Variants in IGSF9B observed in about 807,000 individuals in gnomAD.
IGSF9B encodes protein turtle homolog B.
In IGSF9B, 48 loss-of-function variants were observed where a neutral mutation model predicts 143.7. The ratio of observed to expected loss-of-function variants is 0.33; its 90% CI spans 0.26 to 0.42. The LOEUF (loss-of-function observed/expected upper bound fraction) is 0.42, where lower values mean the gene tolerates loss of function less well. Ranked by LOEUF, IGSF9B falls within the 20% of genes least tolerant of loss-of-function variation. IGSF9B has a pLI of 1.00. For synonymous variants in IGSF9B, 903 were observed against 833.1 expected, an observed-to-expected ratio of 1.08 and a Z score of -1.44; for missense variants, 1,706 against 1,980.0, an observed-to-expected ratio of 0.86 and a Z score of 2.63.
intron 18 of IGSF9B, chr11:133,919,115 A>ACCTTGGACT: frequency 3.0e-5 from 1 of 33,890 alleles, no homozygotes; most frequent in South Asian, 1.8e-4. Flanking sequence ...CCTGCGAGGT[A>ACCTTGGACT]TACGGGGGGG....
chr11:133,952,142 T>C (rs1399866444), intron 1 of IGSF9B: 3 of 435,650 alleles, frequency 6.9e-6, no homozygotes, highest in South Asian at 3.2e-5. Context: ...CCCCATCTCC[T>C]GCTTATTCAC....
In IGSF9B at chr11:133,901,968, T is replaced by C. The variant is rs1939134957; in HGVS notation, c.*7101A>G. Among the ~76,000 whole-genome samples the C allele has an allele frequency of 9.6e-6, 1 of 104,456 alleles. No individual in the cohort carries two copies. Among genetic ancestry groups the C allele is most frequent in the African/African-American group, 4.4e-5 (1 of 22,490 alleles). 68.5% of individuals were successfully genotyped at this position (104,456 alleles called of 152,430 possible). On this transcript the variant is annotated 3_prime_UTR_variant, in exon 20 of 20. Transcript: ENST00000533871. ...ACACATCACACACATGCACACCGCATCACACACATGCACACCAGACACATC... is the reference window on the plus strand; with the variant it reads ...ACACATCACACACATGCACACCGCACCACACACATGCACACCAGACACATC...
intron 1 of IGSF9B, among the ~76,000 whole-genome samples, chr11:133,949,878 C>CACCCATGCGAT (rs200016618): frequency 3.9e-5 from 6 of 152,184 alleles, no homozygotes; most frequent in African/African-American, 1.4e-4. Context: ...CAGGGAAAGG[C>CACCCATGCGAT]ACCATAGGTC....
intron 7 of IGSF9B, among the ~76,000 whole-genome samples, chr11:133,934,635 C>T (rs1290182661): frequency 6.6e-6 from 1 of 152,206 alleles, no homozygotes; most frequent in East Asian, 1.9e-4. Flanking sequence ...CGATGGCGCT[C>T]AGCAGGCGCA....
At chr11:133,952,531 G>A (rs1198652502) in intron 1 of IGSF9B, among the ~76,000 whole-genome samples, 2 of 152,154 alleles carry the variant, frequency 1.3e-5, no homozygotes, top group African/African-American at 2.4e-5. Flanking sequence ...GCCACTCCAC[G>A]CACGTGCACA....
chr11:133,943,364 T>C lies in IGSF9B; in HGVS notation c.409+856A>G, dbSNP rs543240133. Among the ~76,000 whole-genome samples the C allele has an allele frequency of 5.3e-5, 8 of 152,298 alleles. No homozygotes were observed. In the East Asian group the frequency reaches 1.5e-3, roughly 29 times the overall value. On this transcript the variant is annotated intron_variant, in intron 3 of 19. Transcript: ENST00000533871. ...TCCCACGACGGGGACCACTTCTCCT[T>C]CATCTTTTCTCCATGGTTCCAGCCT...
At chr11:133,943,200 G>A (rs1168566042) in intron 3 of IGSF9B, among the ~76,000 whole-genome samples, 3 of 152,214 alleles carry the variant, frequency 2.0e-5, no homozygotes, top group Non-Finnish European at 4.4e-5. Flanking sequence ...CCACGCTGTT[G>A]AAGCCTCAAT....
intron 11 of IGSF9B, 25 bp downstream of exon 11, chr11:133,930,959 C>T: frequency 1.9e-6 from 3 of 1,590,750 alleles, no homozygotes; most frequent in East Asian, 2.3e-5. Context: ...CCCCGCCGCC[C>T]GGCCCAGCCT....
At chr11:133,918,524 G>A (rs577300142) in intron 18 of IGSF9B, among the ~76,000 whole-genome samples, 389 of 152,278 alleles carry the variant, frequency 2.6e-3, no homozygotes, top group Non-Finnish European at 4.2e-3. Context: ...GCACCTCCGC[G>A]CACAGGCGGC....
At chr11:133,912,032 C>G in intron 18 of IGSF9B, 25 bp from the exon 19 acceptor site, 1 of 1,503,048 alleles carries the variant, frequency 6.7e-7, no homozygotes, top group Non-Finnish European at 8.8e-7. Flanking sequence ...CAGAGAGCCA[C>G]AATTCAGCTC....
In IGSF9B at chr11:133,931,318, A is replaced by G; in HGVS notation, c.1368+135T>C. The G allele has an allele frequency of 1.2e-6, 1 of 853,628 alleles. No homozygotes were observed. Among genetic ancestry groups the G allele is most frequent in the Non-Finnish European group, 1.8e-6 (1 of 544,432 alleles). 52.9% of individuals were successfully genotyped at this position (853,628 alleles called of 1,614,324 possible). On this transcript the variant is annotated intron_variant, in intron 10 of 19. Transcript: ENST00000533871. The surrounding 1 kb of genome is among the most constrained non-coding windows in gnomAD (Gnocchi z 7.7). ...TCTAGCCTGGTCAGGGCAGGTCCAG[A>G]ATAGAACTGCTCGCTGGGCCCTCAC...
Position 133,931,932 on chromosome 11 carries a change from C to T in IGSF9B, c.1111-137G>A. 1 of 1,488,474 alleles carries T rather than the reference C, an allele frequency of 6.7e-7. No homozygotes were observed. Among genetic ancestry groups the T allele is most frequent in the Middle Eastern group, 1.8e-4 (1 of 5,684 alleles). The allele number at this position is 1,488,474 out of a possible 1,614,324, so 92.2% of individuals were successfully genotyped here. ...CCCGGGGCGGGCGGCACCCGCAGAC[C>T]CCTACAGAAGCAGCTCTCTGTTTGC... On this transcript the variant is annotated intron_variant, in intron 8 of 19. Transcript: ENST00000533871. The surrounding 1 kb of genome is among the most constrained non-coding windows in gnomAD (Gnocchi z 7.7).
In IGSF9B at chr11:133,909,100, T is replaced by C; in HGVS notation, c.4283A>G (p.His1428Arg). 6.5e-7 allele frequency: 1 copy of C among 1,535,908 alleles called. No homozygotes were observed. Residue 1428 changes from histidine (H) to arginine (R), a missense_variant, in exon 20 of 20, where the codon CAC (histidine) becomes CGC (arginine). Transcript: ENST00000533871. This position sits in a 1 kb window ranked among gnomAD's most constrained non-coding sequence, Gnocchi z 4.2. ...CAAAGTGGCATGTCCTGGGTCATCGTGGTCCACACTGTTGAGAATCGCTGT... is the reference window on the plus strand; with the variant it reads ...CAAAGTGGCATGTCCTGGGTCATCGCGGTCCACACTGTTGAGAATCGCTGT... The part of the protein sequence containing the change: ...DQTAILNSVD[H>R]DDPGHATLL
chr11:133,918,799 A>G (rs781512365), intron 18 of IGSF9B, among the ~76,000 whole-genome samples: 11 of 121,712 alleles, frequency 9.0e-5, no homozygotes, highest in Non-Finnish European at 2.0e-4. Flanking sequence ...CAAAGGACGG[A>G]GCCAGAGAGA....
At chr11:133,925,489 G>A (rs1444090300) in intron 14 of IGSF9B, among the ~76,000 whole-genome samples, 1 of 152,200 alleles carries the variant, frequency 6.6e-6, no homozygotes, top group African/African-American at 2.4e-5. Context: ...CCAGCTTGTA[G>A]CGGTGCCGGG....
Position 133,935,729 on chromosome 11 carries a change from A to G in IGSF9B, c.855T>C (p.Asp285=). 2 of 1,611,868 alleles carry G rather than the reference A, an allele frequency of 1.2e-6. No individual in the cohort carries two copies. The highest frequency in any genetic ancestry group is 1.1e-5 in the South Asian group (1 of 90,422). The change falls in exon 7 of 20, where the codon GAT becomes GAC. Residue 285 remains aspartate, a synonymous_variant. Transcript: ENST00000533871. ...TCACCCGGAAGATGATCAGGGTCCC[A>G]TCGATTAGGATGCGCACCCTCAGCT... ...DLKLRVRILI[D]GTLIIFRVKP... is the part of the protein sequence containing the mutation.
intron 3 of IGSF9B, among the ~76,000 whole-genome samples, chr11:133,943,034 T>C (rs1842930450): frequency 6.6e-6 from 1 of 151,978 alleles, no homozygotes; most frequent in South Asian, 2.1e-4. Context: ...GGAACACAGG[T>C]CTGGCCCAGC....
In IGSF9B at chr11:133,902,916, C is replaced by G. The variant is rs1313807086; in HGVS notation, c.*6153G>C. Among the ~76,000 whole-genome samples the G allele has an allele frequency of 6.6e-6, 1 of 152,128 alleles. No individual in the cohort carries two copies. The highest frequency in any genetic ancestry group is 1.5e-5 in the Non-Finnish European group (1 of 68,020). On this transcript the variant is annotated 3_prime_UTR_variant, in exon 20 of 20. Coordinates refer to ENST00000533871, the MANE Select transcript of IGSF9B (RefSeq NM_001277285.4). ...GGTTCTACCACCAGCGTGAGGAGGGCTGGGCACTCGCCCCTCCCATGGCTT... is the reference window on the plus strand; with the variant it reads ...GGTTCTACCACCAGCGTGAGGAGGGGTGGGCACTCGCCCCTCCCATGGCTT...
Position 133,937,463 on chromosome 11 carries a change from C to T in IGSF9B, c.592G>A (p.Val198Ile), listed in dbSNP as rs757920233. The T allele has an allele frequency of 7.4e-6, 12 of 1,613,710 alleles. No homozygotes were observed. The highest frequency in any genetic ancestry group is 1.6e-4 in the Middle Eastern group (1 of 6,082). The change falls in exon 5 of 20, where the codon GTC becomes ATC. Residue 198 changes from valine to isoleucine, a missense_variant. Coordinates refer to ENST00000533871, the MANE Select transcript of IGSF9B (RefSeq NM_001277285.4). The part of the protein sequence containing the change: ...VSDGSLTVTS[V>I]SREDRGAYTC... ...TAGGCACCTCTGTCCTCCCGACTGA[C>T]CGATGTCACTGTCAGGCTGCCGTCA...
Sources: gnomAD v4.1 joint callset for allele counts (sites outside exome capture counted in the v4.1 genomes callset) on GRCh38, gnomAD v4.1.1 for gene constraint, Gnocchi (gnomAD v3.1) non-coding constraint, MANE v1.5 for transcripts, NCBI Gene and HGNC (gene_info 2026-07-23, HGNC 2026-07-21) for gene names.